AUTS2: variants seen among roughly 807,000 people sequenced by gnomAD.
AUTS2 encodes the protein autism susceptibility gene 2 protein.
A neutral mutation model predicts 112.4 loss-of-function variants in AUTS2; 17 were observed. The observed-to-expected ratio is 0.15, with a 90% CI of 0.10 to 0.23. AUTS2 has a LOEUF of 0.23. AUTS2 is among the 10% of genes least tolerant of loss of function. AUTS2 has a pLI of 1.00. For missense variants in AUTS2, 1,510 were observed against 1,701.6 expected (o/e 0.89, Z 1.98); for synonymous variants, 751 against 702.7 (o/e 1.07, Z -1.09).
intron 5 of AUTS2, among the ~76,000 whole-genome samples, chr7:70,443,345 C>T (rs1369308404): frequency 6.6e-6 from 1 of 152,142 alleles, no homozygotes; most frequent in Admixed American, 6.5e-5. Context: ...AGCTGTATGG[C>T]CTTGGGCAAG....
chr7:70,765,829 G>A (rs1162887207), intron 8 of AUTS2, among the ~76,000 whole-genome samples: 3 of 152,232 alleles, frequency 2.0e-5, no homozygotes, highest in African/African-American at 7.2e-5. Context: ...AGCCAGTGGT[G>A]ACAGCTGGAA....
intron 5 of AUTS2, among the ~76,000 whole-genome samples, chr7:70,640,922 C>T (rs907917606): frequency 6.6e-6 from 1 of 152,148 alleles, no homozygotes; most frequent in Non-Finnish European, 1.5e-5. Flanking sequence ...CCCAGCCTCC[C>T]GGGCTTCTGA....
intron 4 of AUTS2, among the ~76,000 whole-genome samples, chr7:70,254,814 G>T (rs1786773079): frequency 6.6e-6 from 1 of 152,182 alleles, no homozygotes; most frequent in Non-Finnish European, 1.5e-5. Context: ...GAAATGGGAA[G>T]ATAGCAAAGC....
chr7:70,512,505 T>C (rs937935159), intron 5 of AUTS2, among the ~76,000 whole-genome samples: 2 of 151,904 alleles, frequency 1.3e-5, no homozygotes, highest in Admixed American at 6.6e-5. Flanking sequence ...GATTAGGGAG[T>C]GACAGGGGCT....
At chr7:69,605,176 C>T (rs1792644288) in intron 1 of AUTS2, among the ~76,000 whole-genome samples, 1 of 152,212 alleles carries the variant, frequency 6.6e-6, no homozygotes, top group Non-Finnish European at 1.5e-5. Flanking sequence ...AAAAAAGTCC[C>T]TCCAGATCTT....
chr7:70,289,004 G>A (rs1788589671), intron 4 of AUTS2, among the ~76,000 whole-genome samples: 1 of 152,130 alleles, frequency 6.6e-6, no homozygotes, highest in South Asian at 2.1e-4. Context: ...AGAGTAAAAA[G>A]GCAGAGGATC....
At chr7:70,530,182 G>A (rs560765294) in intron 5 of AUTS2, among the ~76,000 whole-genome samples, 1 of 152,310 alleles carries the variant, frequency 6.6e-6, no homozygotes, top group Admixed American at 6.5e-5. Flanking sequence ...TCCAAGGGGA[G>A]TTTTGCGTTG....
At chr7:70,231,465 CAG>C (rs1004805107) in intron 4 of AUTS2, among the ~76,000 whole-genome samples, 16 of 152,002 alleles carry the variant, frequency 1.1e-4, no homozygotes, top group African/African-American at 3.6e-4. Context: ...GTTTTTGAGA[CAG>C]AGTCTCACTC....
intron 4 of AUTS2, among the ~76,000 whole-genome samples, chr7:70,360,227 A>T (rs1346789693): frequency 6.6e-6 from 1 of 152,198 alleles, no homozygotes; most frequent in Non-Finnish European, 1.5e-5. Flanking sequence ...TCCTGGGCTC[A>T]GGCAATCCTC....
At chr7:69,728,496 C>G (rs1180870244) in intron 1 of AUTS2, among the ~76,000 whole-genome samples, 1 of 152,070 alleles carries the variant, frequency 6.6e-6, no homozygotes, top group African/African-American at 2.4e-5. Context: ...TTTTTTCTGT[C>G]TTTTTAATGT....
intron 5 of AUTS2, among the ~76,000 whole-genome samples, chr7:70,477,203 T>A (rs1458630653): frequency 6.6e-6 from 1 of 152,210 alleles, no homozygotes; most frequent in East Asian, 1.9e-4. Flanking sequence ...CAGTAGTTAC[T>A]CACCTTTTCT....
chr7:69,792,245 TTTG>T (rs1240472515), intron 1 of AUTS2, among the ~76,000 whole-genome samples: 1 of 151,480 alleles, frequency 6.6e-6, no homozygotes, highest in Non-Finnish European at 1.5e-5. Flanking sequence ...TTTTTTTTGT[TTTG>T]TTTTTTTTTA....
At chr7:69,601,216 A>G (rs944057647) in intron 1 of AUTS2, among the ~76,000 whole-genome samples, 1 of 151,972 alleles carries the variant, frequency 6.6e-6, no homozygotes, top group African/African-American at 2.4e-5. Flanking sequence ...AAACCAAGAT[A>G]CGGTTTATAG....
chr7:70,311,659 C>T (rs1451803816), intron 4 of AUTS2, among the ~76,000 whole-genome samples: 5 of 152,280 alleles, frequency 3.3e-5, no homozygotes, highest in African/African-American at 4.8e-5. Flanking sequence ...CGCATTCAAG[C>T]GATTCTTGTG....
rs1200602146 is a variant in AUTS2 at position 70,065,890 on chromosome 7, T to G, written c.523-52242T>G. On this transcript the variant is annotated intron_variant, in intron 2 of 18. Coordinates refer to ENST00000342771, the MANE Select transcript of AUTS2 (RefSeq NM_015570.4). ...ACAGCTATTTAATAACAGTTTTTTT[T>G]AGAGAGGGAGCGTTGCTTTGTTGTT... Among the ~76,000 whole-genome samples, 4 of 152,176 alleles carry G rather than the reference T, an allele frequency of 2.6e-5. No homozygotes were observed. The East Asian group carries it at 7.7e-4, about 29-fold the overall frequency.
chr7:70,411,199 C>T (rs2130458368), intron 4 of AUTS2, among the ~76,000 whole-genome samples: 1 of 151,906 alleles, frequency 6.6e-6, no homozygotes, highest in African/African-American at 2.4e-5. Flanking sequence ...CATATCACTG[C>T]CCTGAAAAAA....
At chr7:70,155,756 TTACTC>T (rs1474387163) in intron 4 of AUTS2, among the ~76,000 whole-genome samples, 5 of 152,150 alleles carry the variant, frequency 3.3e-5, no homozygotes, top group Non-Finnish European at 7.4e-5. Context: ...GAGCCTGTGT[TTACTC>T]TACTAGGGTA....
intron 5 of AUTS2, among the ~76,000 whole-genome samples, chr7:70,499,215 A>C (rs1798679974): frequency 6.6e-6 from 1 of 152,226 alleles, no homozygotes; most frequent in African/African-American, 2.4e-5. Context: ...CATTGTGCTA[A>C]AGGGTCCCAG....
intron 5 of AUTS2, among the ~76,000 whole-genome samples, chr7:70,608,542 A>G (rs1351050388): frequency 1.3e-5 from 2 of 152,138 alleles, no homozygotes; most frequent in African/African-American, 2.4e-5. Flanking sequence ...TTTATTTGCT[A>G]TTTTCTTATT....
Sources: allele counts gnomAD v4.1 joint callset (sites outside exome capture counted in the v4.1 genomes callset), GRCh38; gene constraint gnomAD v4.1.1; transcripts MANE v1.5; gene names NCBI Gene and HGNC (gene_info 2026-07-23, HGNC 2026-07-21).